Variants in SGCE observed in about 807,000 individuals in gnomAD.
SGCE encodes sarcoglycan epsilon.
A neutral mutation model predicts 57.8 loss-of-function variants in SGCE; 26 were observed. The observed-to-expected ratio is 0.45, with a 90% CI of 0.33 to 0.62. The LOEUF is 0.62. Ranked by LOEUF, SGCE falls within the 20% of genes least tolerant of loss-of-function variation. The pLI is 0.02. For missense variants in SGCE, 468 were observed against 548.6 expected, an observed-to-expected ratio of 0.85 and a Z score of 1.47; for synonymous variants, 183 against 189.5, an observed-to-expected ratio of 0.97 and a Z score of 0.28.
At chr7:94,650,816 C>T (rs1226923546) in intron 1 of SGCE, among the ~76,000 whole-genome samples, 1 of 152,154 alleles carries the variant, frequency 6.6e-6, no homozygotes, top group African/African-American at 2.4e-5. Context: ...TTCTACTTTC[C>T]GAAGCAAACA....
chr7:94,618,803 TC>T lies in SGCE; in HGVS notation c.616del (p.Asp206ThrfsTer13). 6.2e-7 allele frequency: 1 copy of T among 1,614,074 alleles called. No individual in the cohort carries two copies. Among genetic ancestry groups the T allele is most frequent in the Non-Finnish European group, 8.5e-7 (1 of 1,179,976 alleles). ...GGGAAGTGGCACCCTGCCACCCCTG[TC>T]TAGGGCCGATGTGATGTTTATGGCG... is the stretch of plus-strand genomic sequence containing the variant. ...LNAINITSAL[D>X]RGGRVPLPIN... is the part of the protein sequence containing the mutation. On this transcript the variant is annotated frameshift_variant, in exon 5 of 11. Transcript: ENST00000648936. LOFTEE classifies it high-confidence loss of function.
intron 1 of SGCE, among the ~76,000 whole-genome samples, chr7:94,640,709 G>A (rs1047025126): frequency 2.6e-5 from 4 of 151,996 alleles, no homozygotes; most frequent in Non-Finnish European, 2.9e-5. Context: ...GTGCAGTGGC[G>A]TGATCTCGGC....
At chr7:94,596,617 C>T (rs528219938) in intron 9 of SGCE, among the ~76,000 whole-genome samples, 9 of 152,202 alleles carry the variant, frequency 5.9e-5, no homozygotes, top group Non-Finnish European at 1.0e-4. Context: ...AAAACCTTTA[C>T]GTTACAGTAC....
chr7:94,643,187 A>G (rs1220309460), intron 1 of SGCE, among the ~76,000 whole-genome samples: 2 of 152,238 alleles, frequency 1.3e-5, no homozygotes, highest in East Asian at 3.8e-4. Flanking sequence ...TAAAGGATTT[A>G]CTAGGATAAT....
intron 1 of SGCE, among the ~76,000 whole-genome samples, chr7:94,651,639 T>C (rs1324602273): frequency 6.6e-6 from 1 of 152,212 alleles, no homozygotes; most frequent in Non-Finnish European, 1.5e-5. Context: ...TACAAATATT[T>C]ATGTACACAG....
chr7:94,599,098 A>G (rs747973581), intron 8 of SGCE, 135 bp from the exon 9 acceptor site: 16 of 642,362 alleles, frequency 2.5e-5, no homozygotes, highest in Non-Finnish European at 3.7e-5. Context: ...GCATTCAATA[A>G]ACTATTTCAG....
chr7:94,619,790 T>C (rs1220565277), intron 4 of SGCE: 2 of 152,218 alleles, frequency 1.3e-5, no homozygotes, highest in African/African-American at 4.8e-5. Flanking sequence ...CTTGTGTTTT[T>C]CATTGTACTT....
chr7:94,642,442 C>T (rs1028550951), intron 1 of SGCE, among the ~76,000 whole-genome samples: 5 of 152,204 alleles, frequency 3.3e-5, no homozygotes, highest in African/African-American at 7.2e-5. Flanking sequence ...ATAGGAAGCA[C>T]GTAGGCAGCT....
At chr7:94,604,848 TA>T (rs1293726650) in intron 5 of SGCE, among the ~76,000 whole-genome samples, 1 of 73,442 alleles carries the variant, frequency 1.4e-5, no homozygotes, top group East Asian at 5.3e-4. Context: ...TATATATATA[TA>T]TATATATATA....
intron 5 of SGCE, chr7:94,616,880 A>AT (rs1415259132): frequency 1.3e-5 from 2 of 152,188 alleles, no homozygotes; most frequent in African/African-American, 4.8e-5. Flanking sequence ...CCATATGAAT[A>AT]TTTTGTAAAG....
At chr7:94,639,982 C>T (rs1053126595) in intron 1 of SGCE, among the ~76,000 whole-genome samples, 4 of 151,980 alleles carry the variant, frequency 2.6e-5, no homozygotes, top group Non-Finnish European at 5.9e-5. Flanking sequence ...AAAAGTGGTG[C>T]CAATTACAAG....
At chr7:94,614,121 A>C (rs890454269) in intron 5 of SGCE, among the ~76,000 whole-genome samples, 10 of 151,376 alleles carry the variant, frequency 6.6e-5, no homozygotes, top group Non-Finnish European at 1.2e-4. Flanking sequence ...AAAAAAAAAA[A>C]AAAAAAAAAC....
chr7:94,623,644 T>A lies in SGCE; in HGVS notation c.391-247A>T, dbSNP rs111363657. The A allele has an allele frequency of 8.1e-6, 4 of 493,276 alleles. No homozygotes were observed. The South Asian group carries it at 1.6e-4, about 20-fold the overall frequency. The allele number at this position is 493,276 out of a possible 1,614,324, so 30.6% of individuals were successfully genotyped here. On this transcript the variant is annotated intron_variant, in intron 3 of 10. Coordinates refer to ENST00000648936, the MANE Select transcript of SGCE (RefSeq NM_003919.3). ...AGTTAAAATCAGAAAGACTCTTTCA[T>A]AGAAGGCCATTAAGCACTGGTAGCA...
chr7:94,645,880 A>T (rs528019294), intron 1 of SGCE, among the ~76,000 whole-genome samples: 12 of 152,342 alleles, frequency 7.9e-5, no homozygotes, highest in African/African-American at 2.6e-4. Flanking sequence ...AATCGTTTTT[A>T]AAAATATATC....
At chr7:94,613,674 C>G (rs1295997758) in intron 5 of SGCE, among the ~76,000 whole-genome samples, 1 of 152,082 alleles carries the variant, frequency 6.6e-6, no homozygotes, top group East Asian at 1.9e-4. Flanking sequence ...GTAGAAACTC[C>G]ACTGTTTCCA....
intron 5 of SGCE, among the ~76,000 whole-genome samples, chr7:94,616,025 T>G (rs891072572): frequency 6.6e-6 from 1 of 152,212 alleles, no homozygotes; most frequent in African/African-American, 2.4e-5. Context: ...AGGAGCTTAT[T>G]CACTTTGAAG....
At chr7:94,607,282 A>T (rs1334969947) in intron 5 of SGCE, among the ~76,000 whole-genome samples, 1 of 152,162 alleles carries the variant, frequency 6.6e-6, no homozygotes, top group Non-Finnish European at 1.5e-5. Flanking sequence ...CCAAAAGAAT[A>T]CTTCCTATCT....
chr7:94,590,580 G>A (rs1797542490), intron 9 of SGCE: 1 of 152,160 alleles, frequency 6.6e-6, no homozygotes, highest in Admixed American at 6.5e-5. Context: ...AACTCCAGGA[G>A]TCAGTCCTTT....
rs370609227 is a variant in SGCE at position 94,623,397 on chromosome 7, T to C, written c.391A>G (p.Ile131Val). Residue 131 changes from isoleucine to valine, a missense_variant and splice_region_variant, in exon 4 of 11, where the codon ATA (isoleucine) becomes GTA (valine). Ile to Val is a conservative substitution (Grantham distance 29). Coordinates refer to ENST00000648936, the MANE Select transcript of SGCE (RefSeq NM_003919.3). ...ENVGKPTIIEITAYNRRTFET... is the reference protein window; with the variant it reads ...ENVGKPTIIEVTAYNRRTFET... ...AAGGTGCGCCTGTTGTAGGCAGTTA[T>C]CTATTATAAAAGGAAAACCATATTA... is the stretch of plus-strand genomic sequence containing the variant. The C allele has an allele frequency of 1.8e-4, 282 of 1,590,418 alleles. 1 individual carries two copies. The highest frequency in any genetic ancestry group is 2.4e-4 in the Non-Finnish European group (273 of 1,160,096).
Sources: gnomAD v4.1 joint callset for allele counts (sites outside exome capture counted in the v4.1 genomes callset) on GRCh38, gnomAD v4.1.1 for gene constraint, MANE v1.5 for transcripts, NCBI Gene and HGNC (gene_info 2026-07-23, HGNC 2026-07-21) for gene names.